PRG4: variants seen among roughly 807,000 people sequenced by gnomAD.
PRG4 encodes proteoglycan 4, also known as articular superficial zone protein.
In PRG4, 61 loss-of-function variants were observed where a neutral mutation model predicts 91.2. The observed-to-expected ratio is 0.67, with a 90% CI of 0.54 to 0.83. The LOEUF (loss-of-function observed/expected upper bound fraction) is 0.83, where lower values mean the gene tolerates loss of function less well. Among genes scored for constraint, PRG4 ranks in the 40% least tolerant of loss-of-function variants. The pLI is 0.00. For missense variants in PRG4, 1,564 were observed against 1,714.2 expected (o/e 0.91, Z 1.55); for synonymous variants, 576 against 614.2 (o/e 0.94, Z 0.92).
At position 186,309,134 on chromosome 1, in the gene PRG4, C is replaced by T. The variant is rs1215270693; in HGVS notation, c.3415C>T (p.Leu1139Phe). ...TCAAGGCATTATCATCAATCCCATG[C>T]TTTCCGGTATTAAGAATCAGTTATT... Reference protein sequence around the residue: ...PNQGIIINPMLSDETNICNGK... With the variant: ...PNQGIIINPMFSDETNICNGK... Residue 1139 changes from leucine to phenylalanine, a missense_variant, in exon 7 of 13, where the codon CTT (leucine) becomes TTT (phenylalanine). Around this residue, in one of 3 missense-constraint regions of PRG4, gnomAD observed 1,079 missense variants for 1,162.2 expected, o/e 0.93. Coordinates refer to ENST00000445192, the MANE Select transcript of PRG4 (RefSeq NM_005807.6). 1.9e-6 allele frequency: 3 copies of T among 1,610,948 alleles called. No individual in the cohort carries two copies. Among genetic ancestry groups the T allele is most frequent in the Admixed American group, 1.7e-5 (1 of 60,006 alleles).
At chr1:186,310,200 G>A (rs1490169411) in intron 8 of PRG4, among the ~76,000 whole-genome samples, 1 of 148,454 alleles carries the variant, frequency 6.7e-6, no homozygotes, top group African/African-American at 2.5e-5. Context: ...CAAATGAAAT[G>A]ACACCAGCAT....
chr1:186,306,780 C>T lies in PRG4; in HGVS notation c.1061C>T (p.Thr354Ile), dbSNP rs745486875. The change falls in exon 7 of 13, where the codon ACT (threonine) becomes ATT (isoleucine). Residue 354 changes from threonine (T) to isoleucine (I), a missense_variant. Physicochemically the swap from Thr to Ile is moderately conservative, Grantham distance 89 (BLOSUM62 -1). Coordinates refer to ENST00000445192, the MANE Select transcript of PRG4 (RefSeq NM_005807.6). Reference sequence around the variant, plus strand: ...ACTCCCAAGGAGCCCACGCCCACCACTCCCAAGGAGCCTGCATCTACCACA... The same window carrying T: ...ACTCCCAAGGAGCCCACGCCCACCATTCCCAAGGAGCCTGCATCTACCACA... ...LTTPKEPTPT[T>I]PKEPASTTPK... 4 of 1,613,016 alleles carry T rather than the reference C, an allele frequency of 2.5e-6. No homozygotes were observed. Among genetic ancestry groups the T allele is most frequent in the Non-Finnish European group, 3.4e-6 (4 of 1,179,604 alleles).
At chr1:186,305,810 G>A (rs958543188) in intron 6 of PRG4, among the ~76,000 whole-genome samples, 4 of 152,148 alleles carry the variant, frequency 2.6e-5, no homozygotes, top group Admixed American at 2.6e-4. Flanking sequence ...CTGCGCAGAA[G>A]AAAAGGAGTG....
At chr1:186,312,948 G>A in intron 12 of PRG4, 54 bp downstream of exon 12, 1 of 1,554,232 alleles carries the variant, frequency 6.4e-7, no homozygotes, top group Non-Finnish European at 8.9e-7. Context: ...GTGAAAACAT[G>A]AAGATAAAGT....
At chr1:186,299,658 A>G (rs772985511) in intron 2 of PRG4, among the ~76,000 whole-genome samples, 9 of 152,196 alleles carry the variant, frequency 5.9e-5, no homozygotes, top group Non-Finnish European at 1.0e-4. Context: ...TCTGTGTTTC[A>G]GCTTTCTTAG....
chr1:186,297,074 A>C, intron 2 of PRG4, 123 bp downstream of exon 2: 1 of 838,214 alleles, frequency 1.2e-6, no homozygotes, highest in Non-Finnish European at 2.0e-6. Flanking sequence ...TATACTGTAC[A>C]ACCTTAAAAT....
In PRG4 at chr1:186,304,781, A is replaced by G. The variant is rs1656441585; in HGVS notation, c.470-13A>G. On this transcript the variant is annotated splice_polypyrimidine_tract_variant and intron_variant, in intron 5 of 12. Coordinates refer to ENST00000445192, the MANE Select transcript of PRG4 (RefSeq NM_005807.6). The stretch of plus-strand genomic sequence containing the variant: ...CACAGTTGGTGTGATCAAACTTTCT[A>G]TTTGATTTATAGAACATTCTGTTTC... 2 of 1,609,328 alleles carry G rather than the reference A, an allele frequency of 1.2e-6. No individual in the cohort carries two copies. The highest frequency in any genetic ancestry group is 1.7e-5 in the Admixed American group (1 of 59,978).
chr1:186,304,741 T>C (rs1656436052), intron 5 of PRG4, 53 bp from the exon 6 acceptor site: 1 of 1,569,370 alleles, frequency 6.4e-7, no homozygotes, highest in Non-Finnish European at 8.8e-7. Flanking sequence ...CTGGTGGTTC[T>C]TTTTTGTTTT....
Position 186,309,797 on chromosome 1 carries a change from G to A in PRG4, c.3426G>A (p.Glu1142=), listed in dbSNP as rs755969876. 20 of 1,610,928 alleles carry A rather than the reference G, an allele frequency of 1.2e-5. No individual in the cohort carries two copies. Among genetic ancestry groups the A allele is most frequent in the Non-Finnish European group, 1.5e-5 (18 of 1,177,380 alleles). The change falls in exon 8 of 13, where the codon GAG becomes GAA. Residue 1142 remains glutamate, a synonymous_variant. Transcript: ENST00000445192. ...GIIINPMLSD[E]TNICNGKPVD... ...TGTTTTTGTTAATTTGTTTAGATGAGACCAATATATGCAATGGTAAGCCAG... is the reference window on the plus strand; with the variant it reads ...TGTTTTTGTTAATTTGTTTAGATGAAACCAATATATGCAATGGTAAGCCAG...
intron 2 of PRG4, among the ~76,000 whole-genome samples, chr1:186,298,167 G>C (rs374787117): frequency 6.6e-6 from 1 of 152,168 alleles, no homozygotes; most frequent in African/African-American, 2.4e-5. Flanking sequence ...GATCACCTGA[G>C]GTCTGGAGTT....
intron 12 of PRG4, chr1:186,313,123 G>A: frequency 3.7e-6 from 2 of 534,810 alleles, no homozygotes; most frequent in Non-Finnish European, 6.7e-6. Flanking sequence ...AAAACATCCA[G>A]TTACTAGAGT....
rs995410133 is a variant in PRG4, at chr1:186,311,186, T to C, written c.3636+16T>C. ...CTTCTTTAAGGTAACACAAATATCT[T>C]TGTGAGAGAAATTTAATAATAATTT... is the stretch of plus-strand genomic sequence containing the variant. On this transcript the variant is annotated intron_variant, in intron 9 of 12. Coordinates refer to ENST00000445192, the MANE Select transcript of PRG4 (RefSeq NM_005807.6). The C allele has an allele frequency of 1.4e-5, 22 of 1,601,620 alleles. No individual in the cohort carries two copies. The highest frequency in any genetic ancestry group is 1.9e-5 in the Non-Finnish European group (22 of 1,168,854).
At chr1:186,303,197 AAC>A (rs1199856764) in intron 4 of PRG4, among the ~76,000 whole-genome samples, 1 of 152,184 alleles carries the variant, frequency 6.6e-6, no homozygotes, top group Non-Finnish European at 1.5e-5. Flanking sequence ...TGAAAGAGAA[AAC>A]AGAGTCCAAG....
chr1:186,296,897 A>G lies in PRG4; in HGVS notation c.22A>G (p.Ile8Val). The G allele has an allele frequency of 6.2e-7, 1 of 1,613,992 alleles. No homozygotes were observed. Among genetic ancestry groups the G allele is most frequent in the South Asian group, 1.1e-5 (1 of 91,074 alleles). Residue 8 changes from isoleucine to valine, a missense_variant, in exon 2 of 13, where the codon ATT (isoleucine) becomes GTT (valine). Transcript: ENST00000445192. The part of the protein sequence containing the change: MAWKTLP[I>V]YLLLLLSVFV... ...AACGATGGCATGGAAAACACTTCCC[A>G]TTTACCTGTTGTTGCTGCTGTCTGT...
rs147063332 is a variant in PRG4 at position 186,300,027 on chromosome 1, G to A, written c.77-64G>A. On this transcript the variant is annotated intron_variant, in intron 2 of 12. Transcript: ENST00000445192. The stretch of plus-strand genomic sequence containing the variant: ...CTCACCAAGTGGCTTTGTCCCCCTC[G>A]TTAGATTGCTCCCTTTCTATAAAGT... The A allele has an allele frequency of 2.1e-4, 330 of 1,586,860 alleles. 5 individuals are homozygous for A. The African/African-American group carries it at 3.6e-3, about 17-fold the overall frequency.
intron 3 of PRG4, 97 bp from the exon 4 acceptor site, chr1:186,301,495 G>A (rs554697136): frequency 6.5e-7 from 1 of 1,549,798 alleles, no homozygotes; most frequent in Admixed American, 1.7e-5. Flanking sequence ...ATGAACTTTT[G>A]GAAACCTAGT....
intron 11 of PRG4, 50 bp downstream of exon 11, chr1:186,312,422 T>C: frequency 1.3e-6 from 2 of 1,489,190 alleles, no homozygotes; most frequent in Non-Finnish European, 1.8e-6. Context: ...GTAGATGTAA[T>C]ACAGTTTCTT....
At chr1:186,305,329 A>G (rs1428558337) in intron 6 of PRG4, among the ~76,000 whole-genome samples, 4 of 152,188 alleles carry the variant, frequency 2.6e-5, no homozygotes, top group Admixed American at 6.5e-5. Context: ...ACAAGTATTA[A>G]CTCATTAAAT....
At chr1:186,303,126 T>G (rs905140242) in intron 4 of PRG4, among the ~76,000 whole-genome samples, 6 of 152,172 alleles carry the variant, frequency 3.9e-5, no homozygotes, top group African/African-American at 1.4e-4. Flanking sequence ...TGTCTATATA[T>G]CTAAAAATCA....
Sources: allele counts gnomAD v4.1 joint callset (sites outside exome capture counted in the v4.1 genomes callset), GRCh38; gene constraint gnomAD v4.1.1; regional missense constraint gnomAD v4.1.1; transcripts MANE v1.5; gene names NCBI Gene and HGNC (gene_info 2026-07-23, HGNC 2026-07-21).